Variants in NDUFA10 observed in about 807,000 individuals in gnomAD.
NDUFA10 encodes the protein NADH:ubiquinone oxidoreductase subunit A10, also known as NADH dehydrogenase [ubiquinone] 1 alpha subcomplex subunit 10, mitochondrial.
In NDUFA10, 40 loss-of-function variants were observed where a neutral mutation model predicts 47.8. That is an observed-to-expected ratio of 0.84 (90% CI 0.65 to 1.09). The LOEUF (loss-of-function observed/expected upper bound fraction) is 1.09, where lower values mean the gene tolerates loss of function less well. NDUFA10 is among the 50% of genes least tolerant of loss of function. The pLI, the probability that NDUFA10 is intolerant of heterozygous loss-of-function variation, is 0.00. For missense variants in NDUFA10, 413 were observed against 451.1 expected (o/e 0.92, Z 0.76); for synonymous variants, 183 against 172.2 (o/e 1.06, Z -0.49).
rs4149563 is a variant in NDUFA10 at position 240,016,066 on chromosome 2, T to TA, written c.548-1207dup. On this transcript the variant is annotated intron_variant, in intron 4 of 9. Coordinates refer to ENST00000252711, the MANE Select transcript of NDUFA10 (RefSeq NM_004544.4). The surrounding 1 kb of genome is among the most constrained non-coding windows in gnomAD (Gnocchi z 4.4). ...TAAATAAAAATTTTAAAAATTAAAT[T>TA]AAAAAAAAAAGTTCCAGTGAGCATT... 1.3e-4 allele frequency among the ~76,000 whole-genome samples: 20 copies of TA among 149,006 alleles called. No homozygotes were observed. In the East Asian group the frequency reaches 2.4e-3, roughly 18 times the overall value.
intron 9 of NDUFA10, among the ~76,000 whole-genome samples, chr2:239,968,390 G>A (rs1308256907): frequency 3.9e-5 from 6 of 152,204 alleles, no homozygotes; most frequent in Non-Finnish European, 7.3e-5. Flanking sequence ...GCCCCCTCCC[G>A]AAATACACTT....
chr2:239,896,534 G>A lies in NDUFA10; in HGVS notation c.295-1220C>T, dbSNP rs116119899. 3.1e-3 allele frequency among the ~76,000 whole-genome samples: 472 copies of A among 152,324 alleles called. 4 individuals are homozygous for A. The highest frequency in any genetic ancestry group is 0.011 in the African/African-American group (444 of 41,568). On this transcript the variant is annotated intron_variant, in intron 4 of 5. Transcript: ENST00000419408. ...ACCCAGACACTGCAACCAGCCAGTGGGGCCACGGAAGGGAGGAAAGAGGCT... is the reference window on the plus strand; with the variant it reads ...ACCCAGACACTGCAACCAGCCAGTGAGGCCACGGAAGGGAGGAAAGAGGCT...
chr2:239,966,863 T>C (rs1232322573), intron 9 of NDUFA10, among the ~76,000 whole-genome samples: 1 of 108,234 alleles, frequency 9.2e-6, no homozygotes, highest in Non-Finnish European at 2.0e-5. Context: ...TTTTTTTTTT[T>C]TTTTTTTCCC....
At chr2:239,956,373 G>C (rs1417114376), downstream of NDUFA10, among the ~76,000 whole-genome samples, 1 of 152,196 alleles carries the variant, frequency 6.6e-6, no homozygotes. Context: ...TTGTCCCTCT[G>C]GCTGCAGAGG....
intron 9 of NDUFA10, among the ~76,000 whole-genome samples, chr2:239,979,995 C>T (rs1417015319): frequency 6.6e-6 from 1 of 151,956 alleles, no homozygotes; most frequent in Non-Finnish European, 1.5e-5. Context: ...ACATCCCTCA[C>T]TCCCCTGTGG....
chr2:240,003,509 C>T (rs985736833), intron 8 of NDUFA10, among the ~76,000 whole-genome samples: 6 of 152,200 alleles, frequency 3.9e-5, no homozygotes, highest in South Asian at 2.1e-4. Flanking sequence ...AGGCCAAGGG[C>T]TCGAGACTTA....
chr2:239,947,837 G>C (rs920864537), intron 4 of NDUFA10, among the ~76,000 whole-genome samples: 3 of 152,252 alleles, frequency 2.0e-5, no homozygotes, highest in African/African-American at 4.8e-5. Context: ...GTGGCCCCCA[G>C]TGCAAGATGA....
intron 4 of NDUFA10, among the ~76,000 whole-genome samples, chr2:239,938,087 G>C (rs1234547198): frequency 6.6e-6 from 1 of 152,132 alleles, no homozygotes; most frequent in Non-Finnish European, 1.5e-5. Context: ...GGGGATAAGA[G>C]AAGGGAGCCC....
intron 4 of NDUFA10, among the ~76,000 whole-genome samples, chr2:239,932,406 T>C (rs1029362889): frequency 6.6e-5 from 10 of 152,200 alleles, no homozygotes; most frequent in African/African-American, 2.4e-4. Flanking sequence ...ACGGTTACCA[T>C]GCGACAGCAG....
At position 239,975,325 on chromosome 2, in the gene NDUFA10, TTAAA is replaced by T. The variant is rs202105250; in HGVS notation, c.1000-14143_1000-14140del. On this transcript the variant is annotated intron_variant, in intron 9 of 9. Coordinates refer to ENST00000252711, the MANE Select transcript of NDUFA10 (RefSeq NM_004544.4). Reference sequence around the variant, plus strand: ...AGAACCGTGAGCCAATAAAACCCTCTTAAATAAATTATCCAGTCTCAGACATTTA... The same window carrying T: ...AGAACCGTGAGCCAATAAAACCCTCTTAAATTATCCAGTCTCAGACATTTA... Among the ~76,000 whole-genome samples, 774 of 152,348 alleles carry T rather than the reference TTAAA, an allele frequency of 5.1e-3. 6 individuals carry two copies. Among genetic ancestry groups the T allele is most frequent in the African/African-American group, 0.018 (741 of 41,570 alleles).
intron 4 of NDUFA10, among the ~76,000 whole-genome samples, chr2:239,908,570 G>A (rs923425406): frequency 6.6e-6 from 1 of 152,144 alleles, no homozygotes; most frequent in Non-Finnish European, 1.5e-5. Context: ...CTTGCTTTGT[G>A]ACTTTCACAA....
At chr2:240,005,160 C>T (rs1278401574) in intron 8 of NDUFA10, 50 bp downstream of exon 8, 1 of 1,473,898 alleles carries the variant, frequency 6.8e-7, no homozygotes, top group African/African-American at 1.4e-5. Flanking sequence ...GTTTCCCCAT[C>T]ATGCAAGTAG....
At chr2:239,916,625 C>T (rs771142898) in intron 4 of NDUFA10, among the ~76,000 whole-genome samples, 4 of 152,260 alleles carry the variant, frequency 2.6e-5, no homozygotes, top group Non-Finnish European at 4.4e-5. Context: ...CATTTATTTC[C>T]TCCCCATTCC....
At chr2:239,943,780 G>A (rs1212859819) in intron 4 of NDUFA10, among the ~76,000 whole-genome samples, 1 of 152,150 alleles carries the variant, frequency 6.6e-6, no homozygotes, top group African/African-American at 2.4e-5. Context: ...ACTGAGAGAT[G>A]AGCAGACGAG....
intron 9 of NDUFA10, among the ~76,000 whole-genome samples, chr2:239,989,042 C>T (rs1195564376): frequency 2.0e-5 from 3 of 150,934 alleles, no homozygotes; most frequent in South Asian, 4.5e-4. Flanking sequence ...AGCACGCGCA[C>T]TCACACAAGT....
chr2:239,899,497 G>T (rs543647533), intron 4 of NDUFA10, among the ~76,000 whole-genome samples: 2 of 146,772 alleles, frequency 1.4e-5, no homozygotes, highest in African/African-American at 4.9e-5. Context: ...TGTGATGGAG[G>T]GGTGTGATGG....
At chr2:239,910,442 A>T (rs1276461667) in intron 4 of NDUFA10, among the ~76,000 whole-genome samples, 2 of 152,210 alleles carry the variant, frequency 1.3e-5, no homozygotes, top group Admixed American at 6.5e-5. Context: ...GGAAGCCATC[A>T]TCCTCAGTCA....
chr2:239,899,153 AGG>A (rs1693479662), intron 4 of NDUFA10, among the ~76,000 whole-genome samples: 1 of 7,736 alleles, frequency 1.3e-4, no homozygotes, highest in Non-Finnish European at 3.1e-4. Flanking sequence ...GGTGTGATGG[AGG>A]GGAGTCATGG....
Position 240,007,326 on chromosome 2 carries a change from T to C in NDUFA10, c.794A>G (p.Asp265Gly), listed in dbSNP as rs1696982977. 1 of 1,592,026 alleles carries C rather than the reference T, an allele frequency of 6.3e-7. No individual in the cohort carries two copies. The highest frequency in any genetic ancestry group is 8.6e-7 in the Non-Finnish European group (1 of 1,159,870). Reference protein sequence around the residue: ...VLQYSAREAQDSKKVVEDIEY... With the variant: ...VLQYSAREAQGSKKVVEDIEY... ...CAACCATTTTCTTACCTTTTTTGAATCTTGAGCTTCCCTTGCAGAATATTG... is the reference window on the plus strand; with the variant it reads ...CAACCATTTTCTTACCTTTTTTGAACCTTGAGCTTCCCTTGCAGAATATTG... Residue 265 changes from aspartate (D) to glycine (G), a missense_variant, in exon 7 of 10, where the codon GAT (aspartate) becomes GGT (glycine). By Grantham distance (94) the Asp-to-Gly change is moderately conservative (BLOSUM62 -1). Transcript: ENST00000252711.
Sources: gnomAD v4.1 joint callset for allele counts (sites outside exome capture counted in the v4.1 genomes callset) on GRCh38, gnomAD v4.1.1 for gene constraint, Gnocchi (gnomAD v3.1) non-coding constraint, MANE v1.5 for transcripts, NCBI Gene and HGNC (gene_info 2026-07-23, HGNC 2026-07-21) for gene names.